DGKH: variants seen among roughly 807,000 people sequenced by gnomAD.
The protein encoded by DGKH is diacylglycerol kinase eta, also known as DAG kinase eta.
A neutral mutation model predicts 159.3 loss-of-function variants in DGKH; 90 were observed. That is an observed-to-expected ratio of 0.57 (90% confidence interval 0.48 to 0.67). The LOEUF (loss-of-function observed/expected upper bound fraction) is 0.67. Among genes scored for constraint, DGKH ranks in the 30% least tolerant of loss-of-function variants. The pLI, the probability that DGKH is intolerant of heterozygous loss-of-function variation, is 0.00. For synonymous variants in DGKH, 536 were observed against 553.8 expected, an observed-to-expected ratio of 0.97 and a Z score of 0.45; for missense variants, 1,181 against 1,506.1, an observed-to-expected ratio of 0.78 and a Z score of 3.57.
chr13:42,089,635 C>T (rs80191177), intron 1 of DGKH, among the ~76,000 whole-genome samples: 12,451 of 152,208 alleles, frequency 0.082, 659 homozygotes, highest in Non-Finnish European at 0.12. Context: ...TCTAATTTTT[C>T]CTCACACCAC....
intron 26 of DGKH, among the ~76,000 whole-genome samples, chr13:42,215,934 G>A (rs749594878): frequency 1.3e-5 from 2 of 152,154 alleles, no homozygotes; most frequent in African/African-American, 4.8e-5. Context: ...ATTCAGCTTC[G>A]AGAGACGTGA....
At chr13:42,100,995 A>G (rs1422040809) in intron 1 of DGKH, among the ~76,000 whole-genome samples, 1 of 152,110 alleles carries the variant, frequency 6.6e-6, no homozygotes, top group Non-Finnish European at 1.5e-5. Flanking sequence ...TTGCTCTCAG[A>G]TTTTACTCCC....
intron 1 of DGKH, chr13:42,066,565 A>G (rs1467395886): frequency 6.6e-6 from 1 of 152,182 alleles, no homozygotes; most frequent in Admixed American, 6.5e-5. Flanking sequence ...CCTACTCACT[A>G]ACATTTATTT....
chr13:42,163,032 T>G (rs1454717694), intron 7 of DGKH, among the ~76,000 whole-genome samples: 1 of 109,078 alleles, frequency 9.2e-6, no homozygotes, highest in Non-Finnish European at 1.8e-5. Context: ...CCCACAACAG[T>G]CCCCAGAGTG....
intron 1 of DGKH, among the ~76,000 whole-genome samples, chr13:42,078,909 C>CCTTT (rs1287416145): frequency 1.1e-5 from 1 of 93,572 alleles, no homozygotes; most frequent in African/African-American, 4.9e-5. Flanking sequence ...GTATATTCTC[C>CCTTT]TTTTTTTTTT....
At chr13:42,165,539 C>A in intron 8 of DGKH, 106 bp downstream of exon 8, 2 of 555,024 alleles carry the variant, frequency 3.6e-6, no homozygotes, top group South Asian at 1.2e-4. Flanking sequence ...CTATTGTAGT[C>A]AGTTTTTCTA....
chr13:42,155,482 A>G (rs1956021453), intron 4 of DGKH, 87 bp downstream of exon 4: 2 of 1,465,596 alleles, frequency 1.4e-6, no homozygotes, highest in African/African-American at 1.4e-5. Flanking sequence ...AAACATAAGT[A>G]TGTGTACACT....
chr13:42,101,236 C>T (rs1954646567), intron 1 of DGKH, among the ~76,000 whole-genome samples: 1 of 152,220 alleles, frequency 6.6e-6, no homozygotes, highest in African/African-American at 2.4e-5. Flanking sequence ...CATTGACTTA[C>T]ATTCTGCGTA....
Position 42,229,468 on chromosome 13 carries a change from T to C in DGKH, c.*280T>C, listed in dbSNP as rs1958233741. On this transcript the variant is annotated 3_prime_UTR_variant, in exon 30 of 30. Transcript: ENST00000337343. The stretch of plus-strand genomic sequence containing the variant: ...TAAGGTAGGAGGAATCTGAGACGAT[T>C]GCATTGTCTAAACAGTGGAATTGCA... The C allele has an allele frequency of 6.2e-6, 2 of 323,894 alleles. No individual in the cohort carries two copies. Among genetic ancestry groups the C allele is most frequent in the Non-Finnish European group, 1.1e-5 (2 of 178,110 alleles). The allele number at this position is 323,894 out of a possible 1,614,324, so 20.1% of individuals were successfully genotyped here.
chr13:42,185,062 C>T (rs1956880365), intron 13 of DGKH, among the ~76,000 whole-genome samples: 1 of 152,124 alleles, frequency 6.6e-6, no homozygotes, highest in Admixed American at 6.5e-5. Flanking sequence ...CTTTTGTCTT[C>T]CTATAGTAAA....
intron 17 of DGKH, 80 bp downstream of exon 17, chr13:42,195,096 A>T (rs1258837348): frequency 6.6e-6 from 10 of 1,506,542 alleles, no homozygotes; most frequent in African/African-American, 1.4e-5. Flanking sequence ...TTACTGTGGA[A>T]ACATGTTCTT....
chr13:42,159,263 T>TTTTTTTTTTTA lies in DGKH; in HGVS notation c.623-3_623-2insTTTTTTTTTTA. On this transcript the variant is annotated splice_polypyrimidine_tract_variant and splice_region_variant and intron_variant, in intron 5 of 29. Transcript: ENST00000337343. Reference sequence around the variant, plus strand: ...GTTGCTCTTTTTTTTTTTTTTTTTTTAGTGTGTAAATTCAAGGCTCACAAA... The same window carrying TTTTTTTTTTTA: ...GTTGCTCTTTTTTTTTTTTTTTTTTTTTTTTTTTTTAAGTGTGTAAATTCAAGGCTCACAAA... 8.0e-7 allele frequency: 1 copy of TTTTTTTTTTTA among 1,249,720 alleles called. No homozygotes were observed. Among genetic ancestry groups the TTTTTTTTTTTA allele is most frequent in the Middle Eastern group, 2.2e-4 (1 of 4,634 alleles). The allele number at this position is 1,249,720 out of a possible 1,614,324, so 77.4% of individuals were successfully genotyped here.
At chr13:42,044,894 A>G (rs1047073497), upstream of DGKH, among the ~76,000 whole-genome samples, 2 of 152,230 alleles carry the variant, frequency 1.3e-5, no homozygotes, top group Non-Finnish European at 2.9e-5. Flanking sequence ...TAGCCAAACA[A>G]GCCTTACTGG....
At chr13:42,128,559 ACTTTTC>A (rs1566116240) in intron 2 of DGKH, among the ~76,000 whole-genome samples, 1 of 152,136 alleles carries the variant, frequency 6.6e-6, no homozygotes, top group Admixed American at 6.5e-5. Context: ...CACTAGGATG[ACTTTTC>A]CTTTTCCATC....
chr13:42,059,369 C>G (rs1566079575), intron 1 of DGKH, among the ~76,000 whole-genome samples: 1 of 152,010 alleles, frequency 6.6e-6, no homozygotes, highest in Admixed American at 6.6e-5. Flanking sequence ...CCTGCCTCAG[C>G]CTCCCAAGTA....
At chr13:42,092,338 G>A (rs1479050482) in intron 1 of DGKH, among the ~76,000 whole-genome samples, 2 of 152,104 alleles carry the variant, frequency 1.3e-5, no homozygotes, top group African/African-American at 2.4e-5. Flanking sequence ...GGAATCAACC[G>A]AAGTATTCAT....
At chr13:42,073,697 G>A (rs1566087288) in intron 1 of DGKH, among the ~76,000 whole-genome samples, 1 of 152,188 alleles carries the variant, frequency 6.6e-6, no homozygotes, top group African/African-American at 2.4e-5. Context: ...GGGTTTAAGA[G>A]GATGTAATGC....
intron 20 of DGKH, 54 bp from the exon 21 acceptor site, chr13:42,205,985 G>A: frequency 8.9e-7 from 1 of 1,121,044 alleles, no homozygotes; most frequent in Middle Eastern, 2.2e-4. Context: ...CCATACTAGT[G>A]GTTCTGCTCT....
chr13:42,118,707 G>A (rs1774883574), intron 1 of DGKH, among the ~76,000 whole-genome samples: 1 of 152,222 alleles, frequency 6.6e-6, no homozygotes, highest in South Asian at 2.1e-4. Flanking sequence ...GGATATTTAG[G>A]GCAGAGGAAG....
Sources: gnomAD v4.1 joint callset for allele counts (sites outside exome capture counted in the v4.1 genomes callset) on GRCh38, gnomAD v4.1.1 for gene constraint, MANE v1.5 for transcripts, NCBI Gene and HGNC (gene_info 2026-07-23, HGNC 2026-07-21) for gene names.